The following PLCB1 variants were observed in gnomAD, a reference collection of about 807,000 sequenced individuals.
PLCB1 encodes 1-phosphatidylinositol 4,5-bisphosphate phosphodiesterase beta-1.
A neutral mutation model predicts 161.8 loss-of-function variants in PLCB1; 46 were observed. The observed-to-expected ratio is 0.28, with a 90% CI of 0.22 to 0.36. The LOEUF (loss-of-function observed/expected upper bound fraction) is 0.36, where lower values mean the gene tolerates loss of function less well. Ranked by LOEUF, PLCB1 falls within the 10% of genes least tolerant of loss-of-function variation. The pLI is 1.00. For missense variants in PLCB1, 1,016 were observed against 1,472.5 expected (o/e 0.69, Z 5.07); for synonymous variants, 517 against 503.7 (o/e 1.03, Z -0.35).
chr20:8,166,774 C>T (rs745463482), intron 2 of PLCB1, among the ~76,000 whole-genome samples: 8 of 152,054 alleles, frequency 5.3e-5, no homozygotes, highest in South Asian at 2.1e-4. Flanking sequence ...TTTTGTGCTC[C>T]GTCCACAATA....
At chr20:8,290,865 T>C (rs1008266934) in intron 2 of PLCB1, among the ~76,000 whole-genome samples, 1 of 152,092 alleles carries the variant, frequency 6.6e-6, no homozygotes, top group East Asian at 1.9e-4. Flanking sequence ...AATACAACAC[T>C]GTATCACCAT....
chr20:8,256,283 T>C (rs1451708797), intron 2 of PLCB1, among the ~76,000 whole-genome samples: 5 of 152,116 alleles, frequency 3.3e-5, no homozygotes, highest in Non-Finnish European at 7.4e-5. Flanking sequence ...CAGTTTAAGC[T>C]GGCCTATCCT....
At chr20:8,513,075 A>G (rs1390658067) in intron 3 of PLCB1, among the ~76,000 whole-genome samples, 1 of 152,202 alleles carries the variant, frequency 6.6e-6, no homozygotes, top group Middle Eastern at 3.2e-3. Flanking sequence ...TATTTTACTT[A>G]GTATAATGGC....
chr20:8,224,162 AG>A (rs1338984678), intron 2 of PLCB1, among the ~76,000 whole-genome samples: 2 of 152,174 alleles, frequency 1.3e-5, no homozygotes, highest in African/African-American at 4.8e-5. Flanking sequence ...AAATAATCAC[AG>A]AGGCTTCTGA....
intron 3 of PLCB1, among the ~76,000 whole-genome samples, chr20:8,548,784 C>G (rs1489991480): frequency 6.6e-6 from 1 of 151,990 alleles, no homozygotes; most frequent in African/African-American, 2.4e-5. Context: ...GTTCTCAAGC[C>G]TAACTTTGTG....
intron 3 of PLCB1, among the ~76,000 whole-genome samples, chr20:8,376,664 C>G (rs535505188): frequency 2.6e-5 from 4 of 152,194 alleles, no homozygotes; most frequent in Admixed American, 6.5e-5. Context: ...CGCAGTGGCT[C>G]ACGCCTGTAA....
In PLCB1 at chr20:8,579,466, T is replaced by C. The variant is rs185824816; in HGVS notation, c.247-48828T>C. Among the ~76,000 whole-genome samples the C allele has an allele frequency of 5.3e-5, 8 of 152,348 alleles. No homozygotes were observed. The East Asian group carries it at 1.4e-3, about 26-fold the overall frequency. ...CAAGCGTAAGCTAAACAACTACTTA[T>C]TGTTCCAAGCCTCTACATGTTGGGT... On this transcript the variant is annotated intron_variant, in intron 3 of 31. Coordinates refer to ENST00000338037, the MANE Select transcript of PLCB1 (RefSeq NM_015192.4).
At chr20:8,227,294 A>G (rs1346319172) in intron 2 of PLCB1, among the ~76,000 whole-genome samples, 3 of 152,206 alleles carry the variant, frequency 2.0e-5, no homozygotes, top group Admixed American at 6.5e-5. Flanking sequence ...ATAAACTCTT[A>G]GGATGGTGCG....
At chr20:8,221,397 G>C (rs1185651114) in intron 2 of PLCB1, among the ~76,000 whole-genome samples, 1 of 152,060 alleles carries the variant, frequency 6.6e-6, no homozygotes, top group Admixed American at 6.6e-5. Flanking sequence ...TATCTTTTAA[G>C]TAACTGCAAC....
intron 31 of PLCB1, among the ~76,000 whole-genome samples, chr20:8,794,514 G>A (rs1008106196): frequency 6.6e-6 from 1 of 152,086 alleles, no homozygotes; most frequent in African/African-American, 2.4e-5. Flanking sequence ...CTAAGTTTTT[G>A]CAGACACCAA....
At chr20:8,555,980 G>T (rs1399453381) in intron 3 of PLCB1, among the ~76,000 whole-genome samples, 1 of 94,232 alleles carries the variant, frequency 1.1e-5, no homozygotes, top group Non-Finnish European at 2.3e-5. Context: ...AGTCAGAAAT[G>T]ATTTTTTTTA....
At chr20:8,587,187 T>A (rs1190400093) in intron 3 of PLCB1, among the ~76,000 whole-genome samples, 1 of 150,602 alleles carries the variant, frequency 6.6e-6, no homozygotes. Context: ...AAAATATATA[T>A]ATATATATGA....
At chr20:8,660,091 A>G (rs954002829) in intron 9 of PLCB1, among the ~76,000 whole-genome samples, 1 of 151,734 alleles carries the variant, frequency 6.6e-6, no homozygotes, top group African/African-American at 2.4e-5. Flanking sequence ...TTTAGATGCA[A>G]TTTTTTAGTT....
chr20:8,288,915 A>G (rs906662701), intron 2 of PLCB1, among the ~76,000 whole-genome samples: 12 of 152,186 alleles, frequency 7.9e-5, no homozygotes, highest in Non-Finnish European at 4.4e-5. Flanking sequence ...TTTCCACTAG[A>G]TACCATAAGC....
chr20:8,862,351 G>A (rs1277560761), intron 31 of PLCB1, among the ~76,000 whole-genome samples: 2 of 152,182 alleles, frequency 1.3e-5, no homozygotes, highest in African/African-American at 4.8e-5. Flanking sequence ...AAATGAATGT[G>A]TATCATCACT....
intron 3 of PLCB1, among the ~76,000 whole-genome samples, chr20:8,441,995 C>T (rs1980581113): frequency 6.6e-6 from 1 of 152,154 alleles, no homozygotes; most frequent in South Asian, 2.1e-4. Flanking sequence ...TTAAAACACA[C>T]ACACATACGC....
intron 3 of PLCB1, among the ~76,000 whole-genome samples, chr20:8,439,009 G>C (rs576799588): frequency 1.3e-5 from 2 of 152,132 alleles, no homozygotes; most frequent in African/African-American, 2.4e-5. Flanking sequence ...ACGTGCTCTC[G>C]TAAGGTCATC....
At chr20:8,813,397 G>C (rs996935047) in intron 31 of PLCB1, among the ~76,000 whole-genome samples, 3 of 152,114 alleles carry the variant, frequency 2.0e-5, no homozygotes, top group African/African-American at 4.8e-5. Context: ...GTTTTTAAAT[G>C]TCTGTTTCAT....
At chr20:8,481,428 A>G (rs1421635649) in intron 3 of PLCB1, among the ~76,000 whole-genome samples, 1 of 152,152 alleles carries the variant, frequency 6.6e-6, no homozygotes, top group Non-Finnish European at 1.5e-5. Flanking sequence ...TACCTGTTAT[A>G]TCTTCTATTT....
Sources: allele counts gnomAD v4.1 joint callset (sites outside exome capture counted in the v4.1 genomes callset), GRCh38; gene constraint gnomAD v4.1.1; transcripts MANE v1.5; gene names NCBI Gene and HGNC (gene_info 2026-07-23, HGNC 2026-07-21).